Variants in MYO5B observed in about 807,000 individuals in gnomAD.
MYO5B encodes the protein unconventional myosin-Vb.
In MYO5B, 143 loss-of-function variants were observed where a neutral mutation model predicts 229.3. The observed-to-expected ratio is 0.62, with a 90% CI of 0.54 to 0.72. The LOEUF (loss-of-function observed/expected upper bound fraction) is 0.72. Among genes scored for constraint, MYO5B ranks in the 30% least tolerant of loss-of-function variants. MYO5B has a pLI of 0.00. For missense variants in MYO5B, 2,321 were observed against 2,331.0 expected, an observed-to-expected ratio of 1.00 and a Z score of 0.09; for synonymous variants, 918 against 885.2, an observed-to-expected ratio of 1.04 and a Z score of -0.66.
At chr18:50,151,822 T>G (rs965339422) in intron 1 of MYO5B, among the ~76,000 whole-genome samples, 2 of 152,168 alleles carry the variant, frequency 1.3e-5, no homozygotes, top group Non-Finnish European at 2.9e-5. Context: ...AGCTGGTCCC[T>G]TGGAATCGTG....
intron 4 of MYO5B, among the ~76,000 whole-genome samples, chr18:50,009,937 T>C (rs1042302031): frequency 4.6e-5 from 7 of 152,128 alleles, no homozygotes; most frequent in African/African-American, 1.7e-4. Flanking sequence ...GGGGTGAAAA[T>C]GGCAGAGGGA....
chr18:49,880,807 A>G (rs527774693), intron 22 of MYO5B, among the ~76,000 whole-genome samples: 1 of 152,354 alleles, frequency 6.6e-6, no homozygotes, highest in Non-Finnish European at 1.5e-5. Context: ...CTGAGGCTAC[A>G]TGATCCAATA....
intron 19 of MYO5B, among the ~76,000 whole-genome samples, 177 bp from the exon 20 acceptor site, chr18:49,905,005 C>T (rs1029153375): frequency 6.6e-6 from 1 of 152,174 alleles, no homozygotes; most frequent in African/African-American, 2.4e-5. Flanking sequence ...AGGCATTTGA[C>T]GTTGTGGCTA....
At chr18:50,081,716 TAACATTC>T (rs141637509) in intron 1 of MYO5B, among the ~76,000 whole-genome samples, 14,117 of 152,130 alleles carry the variant, frequency 0.093, 1,200 homozygotes, top group African/African-American at 0.23. Context: ...AAGTAACATT[TAACATTC>T]AACATTCTGA....
intron 4 of MYO5B, among the ~76,000 whole-genome samples, chr18:50,018,589 C>T (rs866928373): frequency 1.6e-4 from 25 of 152,262 alleles, no homozygotes; most frequent in African/African-American, 5.8e-4. Context: ...AATTGATCAT[C>T]AGAACAACCC....
intron 1 of MYO5B, among the ~76,000 whole-genome samples, chr18:50,063,321 T>A (rs896751672): frequency 1.3e-5 from 2 of 152,194 alleles, no homozygotes; most frequent in Non-Finnish European, 2.9e-5. Context: ...GAAAGCTCCC[T>A]GTAATTTAGA....
At chr18:49,937,169 T>C (rs754242576) in intron 15 of MYO5B, 76 bp downstream of exon 15, 8 of 1,558,136 alleles carry the variant, frequency 5.1e-6, no homozygotes, top group Non-Finnish European at 7.1e-6. Flanking sequence ...CCTCTCACCC[T>C]GCCGCCATCC....
At chr18:49,963,123 G>T (rs1163671287) in intron 10 of MYO5B, 93 bp from the exon 11 acceptor site, 5 of 954,912 alleles carry the variant, frequency 5.2e-6, no homozygotes, top group Admixed American at 5.1e-5. Context: ...GGTCTCCCCC[G>T]ATGCCACTAC....
intron 26 of MYO5B, among the ~76,000 whole-genome samples, chr18:49,874,671 G>C (rs1219640704): frequency 6.6e-6 from 1 of 152,200 alleles, no homozygotes; most frequent in Non-Finnish European, 1.5e-5. Flanking sequence ...GAAGGGGTAG[G>C]GATTGAGAAC....
rs1217605009 is a variant in MYO5B, at chr18:49,864,155, C to T, written c.3829G>A (p.Ala1277Thr). The change falls in exon 28 of 40, where the codon GCC becomes ACC. Residue 1277 changes from alanine (A) to threonine (T), a missense_variant. Physicochemically the swap from Ala to Thr is moderately conservative, Grantham distance 58. Coordinates refer to ENST00000285039, the MANE Select transcript of MYO5B (RefSeq NM_001080467.3). The stretch of plus-strand genomic sequence containing the variant: ...CATCTTGTTACCGCGTTCCTGCCGG[C>T]GAGTCGCCGCTGGTCGGCGCTCACG... The part of the protein sequence containing the change: ...QIVSADQRRL[A>T]GRNAEPNINA... 1.9e-6 allele frequency: 3 copies of T among 1,609,502 alleles called. No homozygotes were observed. The highest frequency in any genetic ancestry group is 2.2e-5 in the East Asian group (1 of 44,884).
rs79587089 is a variant in MYO5B at position 50,000,725 on chromosome 18, G to A, written c.612+530C>T. On this transcript the variant is annotated intron_variant, in intron 5 of 39. Coordinates refer to ENST00000285039, the MANE Select transcript of MYO5B (RefSeq NM_001080467.3). Reference sequence around the variant, plus strand: ...ATGGGGCCTGCCCTGGCCAATTCACGCCATCATAGGGAACTGTTTTCTGAG... The same window carrying A: ...ATGGGGCCTGCCCTGGCCAATTCACACCATCATAGGGAACTGTTTTCTGAG... 9.0e-3 allele frequency among the ~76,000 whole-genome samples: 1,376 copies of A among 152,238 alleles called. 21 individuals are homozygous for A. Among genetic ancestry groups the A allele is most frequent in the African/African-American group, 0.032 (1,323 of 41,534 alleles).
intron 1 of MYO5B, among the ~76,000 whole-genome samples, chr18:50,076,025 T>G (rs1286986915): frequency 1.3e-5 from 2 of 152,258 alleles, no homozygotes; most frequent in African/African-American, 4.8e-5. Context: ...GGAAAACCCC[T>G]GTTAACCCTC....
intron 1 of MYO5B, among the ~76,000 whole-genome samples, chr18:50,102,646 G>T (rs548626194): frequency 6.6e-6 from 1 of 152,020 alleles, no homozygotes; most frequent in Non-Finnish European, 1.5e-5. Flanking sequence ...TCAGAACCTG[G>T]CTCTGGAGTA....
intron 1 of MYO5B, among the ~76,000 whole-genome samples, chr18:50,085,345 C>G (rs987462654): frequency 2.0e-5 from 3 of 152,072 alleles, no homozygotes; most frequent in Non-Finnish European, 4.4e-5. Flanking sequence ...CAGAGAAATG[C>G]AAATCAAAAC....
intron 1 of MYO5B, among the ~76,000 whole-genome samples, chr18:50,114,627 G>A (rs961231249): frequency 3.9e-5 from 6 of 152,228 alleles, no homozygotes; most frequent in Non-Finnish European, 5.9e-5. Context: ...AGCTGACTCC[G>A]TCAGAGCCTC....
intron 1 of MYO5B, among the ~76,000 whole-genome samples, chr18:50,122,292 G>GTGGCGCTTAATTTAAAAACAGAACCC (rs2032070408): frequency 6.6e-6 from 1 of 151,770 alleles, no homozygotes; most frequent in African/African-American, 2.4e-5. Flanking sequence ...TTCTTCTTTG[G>GTGGCGCTTAATTTAAAAACAGAACCC]TGGCGCTTAA....
intron 7 of MYO5B, among the ~76,000 whole-genome samples, chr18:49,987,586 C>G (rs750954333): frequency 6.6e-6 from 1 of 152,094 alleles, no homozygotes; most frequent in Non-Finnish European, 1.5e-5. Flanking sequence ...CAAAAGAACA[C>G]AGAGGAGAAC....
intron 21 of MYO5B, among the ~76,000 whole-genome samples, chr18:49,897,173 C>A (rs1007373078): frequency 2.0e-5 from 3 of 152,162 alleles, no homozygotes; most frequent in Non-Finnish European, 2.9e-5. Flanking sequence ...GGACATCTGA[C>A]TTCAGAAGGA....
chr18:50,153,359 G>C (rs925938327), intron 1 of MYO5B, among the ~76,000 whole-genome samples: 18 of 152,182 alleles, frequency 1.2e-4, no homozygotes, highest in African/African-American at 4.3e-4. Context: ...AGTGTTAACA[G>C]TGAGGCATGA....
Sources: allele counts gnomAD v4.1 joint callset (sites outside exome capture counted in the v4.1 genomes callset), GRCh38; gene constraint gnomAD v4.1.1; transcripts MANE v1.5; gene names NCBI Gene and HGNC (gene_info 2026-07-23, HGNC 2026-07-21).